Variants in NAALADL2 observed in about 807,000 individuals in gnomAD.
The protein encoded by NAALADL2 is inactive N-acetylated-alpha-linked acidic dipeptidase-like protein 2.
NAALADL2 carries 76 observed loss-of-function variants against 87.2 expected under a neutral mutation model. That is an observed-to-expected ratio of 0.87 (90% CI 0.72 to 1.05). NAALADL2 has a LOEUF of 1.05. Ranked by LOEUF, NAALADL2 falls within the 50% of genes least tolerant of loss-of-function variation. The probability of loss-of-function intolerance (pLI) is 0.00; values close to 1 mark genes in which losing one functional copy is unlikely to be tolerated. For synonymous variants in NAALADL2, 354 were observed against 331.0 expected (o/e 1.07, Z -0.75); for missense variants, 1,089 against 945.8 (o/e 1.15, Z -1.99).
intron 3 of NAALADL2, among the ~76,000 whole-genome samples, chr3:175,254,245 G>C (rs569598875): frequency 6.6e-6 from 1 of 152,258 alleles, no homozygotes; most frequent in African/African-American, 2.4e-5. Flanking sequence ...TTTAGCAACT[G>C]TGACCCTGAT....
At chr3:175,379,610 T>G (rs1240556244) in intron 5 of NAALADL2, among the ~76,000 whole-genome samples, 2 of 151,860 alleles carry the variant, frequency 1.3e-5, no homozygotes, top group African/African-American at 4.8e-5. Context: ...CTTGGCTCAC[T>G]GCAACGTCTG....
rs7636297 is a variant in NAALADL2 at position 174,639,574 on chromosome 3, T to C, written c.-115+88937T>C. On this transcript the variant is annotated intron_variant, in intron 2 of 3. Transcript: ENST00000434257. The stretch of plus-strand genomic sequence containing the variant: ...CCTCCAGAAGTGGTGGTTAAACCTT[T>C]ATCAGCACACACCACTGGACTTGCC... Among the ~76,000 whole-genome samples the C allele has an allele frequency of 4.9e-3, 741 of 152,294 alleles. 4 individuals are homozygous for C. Among genetic ancestry groups the C allele is most frequent in the African/African-American group, 0.017 (706 of 41,562 alleles).
intron 10 of NAALADL2, among the ~76,000 whole-genome samples, chr3:175,590,174 T>G (rs886135182): frequency 2.0e-4 from 20 of 99,612 alleles, no homozygotes; most frequent in African/African-American, 6.7e-4. Flanking sequence ...ATTGGGCCAC[T>G]GCACTCCAGC....
At chr3:174,709,052 A>G (rs778650464) in intron 2 of NAALADL2, among the ~76,000 whole-genome samples, 3 of 152,152 alleles carry the variant, frequency 2.0e-5, no homozygotes, top group African/African-American at 4.8e-5. Context: ...GGCATTCATA[A>G]TATAGGTACA....
chr3:175,200,520 T>C (rs1356762288), intron 2 of NAALADL2, among the ~76,000 whole-genome samples: 1 of 152,218 alleles, frequency 6.6e-6, no homozygotes, highest in Non-Finnish European at 1.5e-5. Context: ...AATCAGTTTC[T>C]AAAACGCTCA....
At chr3:175,402,718 C>A (rs1711547908) in intron 5 of NAALADL2, among the ~76,000 whole-genome samples, 1 of 151,998 alleles carries the variant, frequency 6.6e-6, no homozygotes, top group Admixed American at 6.6e-5. Flanking sequence ...TCCTTCAGAA[C>A]TGGATTTTAG....
intron 5 of NAALADL2, among the ~76,000 whole-genome samples, chr3:175,443,231 T>A (rs1720111639): frequency 6.6e-6 from 1 of 152,164 alleles, no homozygotes; most frequent in African/African-American, 2.4e-5. Context: ...ATTTCAAAAC[T>A]AATGCAAGTC....
At chr3:174,913,630 A>T (rs1356410801) in intron 1 of NAALADL2, among the ~76,000 whole-genome samples, 1 of 152,144 alleles carries the variant, frequency 6.6e-6, no homozygotes, top group Non-Finnish European at 1.5e-5. Context: ...TCCTCTGGAA[A>T]AAAAGGGATA....
chr3:175,705,584 T>A (rs527244425), intron 11 of NAALADL2, among the ~76,000 whole-genome samples: 1 of 152,040 alleles, frequency 6.6e-6, no homozygotes, highest in Non-Finnish European at 1.5e-5. Context: ...TGATTGGGTG[T>A]CTTCTGTGAG....
At chr3:175,606,249 G>T (rs1723716016) in intron 10 of NAALADL2, among the ~76,000 whole-genome samples, 1 of 152,166 alleles carries the variant, frequency 6.6e-6, no homozygotes, top group Admixed American at 6.6e-5. Flanking sequence ...AACAGGTGCT[G>T]TTACTACCAG....
chr3:175,119,229 A>G (rs1303890723), intron 2 of NAALADL2, among the ~76,000 whole-genome samples: 3 of 151,706 alleles, frequency 2.0e-5, no homozygotes, highest in African/African-American at 4.8e-5. Flanking sequence ...GTGAAATGAT[A>G]AAGTTTGAAT....
chr3:175,229,023 A>G (rs1397313915), intron 2 of NAALADL2, among the ~76,000 whole-genome samples: 1 of 151,980 alleles, frequency 6.6e-6, no homozygotes, highest in East Asian at 1.9e-4. Flanking sequence ...GAAATAAAAC[A>G]TACAATTGTC....
At chr3:175,461,547 G>A (rs62285195) in intron 6 of NAALADL2, among the ~76,000 whole-genome samples, 3,319 of 152,264 alleles carry the variant, frequency 0.022, 60 homozygotes, top group Non-Finnish European at 0.035. Flanking sequence ...CAGTAAGAAT[G>A]TGATCCAGTA....
At chr3:175,697,861 A>T (rs13080465) in intron 11 of NAALADL2, among the ~76,000 whole-genome samples, 5,914 of 97,210 alleles carry the variant, frequency 0.061, 338 homozygotes, top group African/African-American at 0.11. Context: ...ATATGTGTAT[A>T]TATGTATGTA....
intron 3 of NAALADL2, among the ~76,000 whole-genome samples, chr3:174,786,476 A>G (rs1716683017): frequency 7.1e-6 from 1 of 141,760 alleles, no homozygotes; most frequent in Non-Finnish European, 1.6e-5. Context: ...ATAATAAATA[A>G]ATGAAAAGGA....
chr3:174,979,961 C>G (rs565148927), intron 1 of NAALADL2, among the ~76,000 whole-genome samples: 2 of 152,218 alleles, frequency 1.3e-5, no homozygotes, highest in East Asian at 1.9e-4. Context: ...CCCAAAAGCC[C>G]TTTATGATTT....
intron 5 of NAALADL2, among the ~76,000 whole-genome samples, chr3:175,412,420 G>T (rs1408553988): frequency 6.6e-6 from 1 of 152,118 alleles, no homozygotes; most frequent in African/African-American, 2.4e-5. Flanking sequence ...GTTATATGAT[G>T]CAGGAGGGAA....
At chr3:175,659,305 C>G (rs1456327828) in intron 11 of NAALADL2, among the ~76,000 whole-genome samples, 1 of 152,074 alleles carries the variant, frequency 6.6e-6, no homozygotes, top group Non-Finnish European at 1.5e-5. Flanking sequence ...TCCCCTGTTA[C>G]TATAGCATAA....
chr3:175,114,496 A>G (rs961733005), intron 2 of NAALADL2, among the ~76,000 whole-genome samples: 5 of 151,668 alleles, frequency 3.3e-5, no homozygotes, highest in African/African-American at 9.7e-5. Flanking sequence ...CTAAATACAT[A>G]ATTATTTTCT....
Sources: gnomAD v4.1 joint callset for allele counts (sites outside exome capture counted in the v4.1 genomes callset) on GRCh38, gnomAD v4.1.1 for gene constraint, MANE v1.5 for transcripts, NCBI Gene and HGNC (gene_info 2026-07-23, HGNC 2026-07-21) for gene names.